UHRF2: variants seen among roughly 807,000 people sequenced by gnomAD.
UHRF2 encodes the protein ubiquitin like with PHD and ring finger domains 2.
A neutral mutation model predicts 96.8 loss-of-function variants in UHRF2; 23 were observed. The ratio of observed to expected loss-of-function variants is 0.24; its 90% CI spans 0.17 to 0.34. The LOEUF is 0.34. Ranked by LOEUF, UHRF2 falls within the 10% of genes least tolerant of loss-of-function variation. UHRF2 has a pLI of 1.00. For synonymous variants in UHRF2, 385 were observed against 332.6 expected (o/e 1.16, Z -1.72); for missense variants, 685 against 981.5 (o/e 0.70, Z 4.04).
intron 9 of UHRF2, among the ~76,000 whole-genome samples, chr9:6,491,828 C>T (rs926996804): frequency 2.6e-5 from 4 of 152,192 alleles, no homozygotes; most frequent in African/African-American, 9.7e-5. Flanking sequence ...CTGCCAGGCA[C>T]AATTTAATGG....
intron 2 of UHRF2, among the ~76,000 whole-genome samples, chr9:6,430,749 T>G (rs1477305171): frequency 6.6e-6 from 1 of 152,144 alleles, no homozygotes; most frequent in Non-Finnish European, 1.5e-5. Context: ...GCCTTGCCTT[T>G]CCCATGGAAA....
At chr9:6,465,283 CAT>C (rs1485971444) in intron 4 of UHRF2, among the ~76,000 whole-genome samples, 3 of 152,176 alleles carry the variant, frequency 2.0e-5, no homozygotes, top group Non-Finnish European at 4.4e-5. Context: ...GTGAAATTTA[CAT>C]GTTAATTTTC....
intron 3 of UHRF2, among the ~76,000 whole-genome samples, chr9:6,455,001 A>G (rs947618718): frequency 5.9e-5 from 9 of 152,204 alleles, no homozygotes; most frequent in Non-Finnish European, 1.0e-4. Context: ...TCTTGGGACC[A>G]TACTTTGAGA....
chr9:6,491,712 A>G (rs1042391664), intron 9 of UHRF2, among the ~76,000 whole-genome samples: 1 of 152,166 alleles, frequency 6.6e-6, no homozygotes, highest in Non-Finnish European at 1.5e-5. Flanking sequence ...GAGGTTGGGA[A>G]TAACTGAAGA....
intron 4 of UHRF2, among the ~76,000 whole-genome samples, chr9:6,474,472 G>T (rs961232332): frequency 1.3e-5 from 2 of 152,136 alleles, no homozygotes; most frequent in Non-Finnish European, 2.9e-5. Context: ...TTGGGAGGCC[G>T]AGGCGGGCAG....
intron 3 of UHRF2, among the ~76,000 whole-genome samples, chr9:6,458,141 G>C (rs1822298373): frequency 6.6e-6 from 1 of 152,054 alleles, no homozygotes; most frequent in Admixed American, 6.6e-5. Context: ...CTAGTCCTAG[G>C]CTTTTTTTGG....
In UHRF2 at chr9:6,470,859, A is replaced by G. The variant is rs757805640; in HGVS notation, c.864-4532A>G. ...TATTAGTCTAATCCAAAATAAGGCAATTGTGACTAAAAGAAGCAGATAAAG... is the reference window on the plus strand; with the variant it reads ...TATTAGTCTAATCCAAAATAAGGCAGTTGTGACTAAAAGAAGCAGATAAAG... On this transcript the variant is annotated intron_variant, in intron 4 of 15. Coordinates refer to ENST00000276893, the MANE Select transcript of UHRF2 (RefSeq NM_152896.3). Among the ~76,000 whole-genome samples the G allele has an allele frequency of 6.6e-5, 10 of 152,242 alleles. No individual in the cohort carries two copies. In the South Asian group the frequency reaches 1.0e-3, roughly 16 times the overall value.
chr9:6,459,393 G>A (rs1427585473), intron 3 of UHRF2, among the ~76,000 whole-genome samples: 1 of 152,180 alleles, frequency 6.6e-6, no homozygotes, highest in Non-Finnish European at 1.5e-5. Context: ...TTGGGGCCGG[G>A]TGCGGTGGCT....
chr9:6,453,454 C>G (rs1181801545), intron 3 of UHRF2, among the ~76,000 whole-genome samples: 4 of 152,132 alleles, frequency 2.6e-5, no homozygotes, highest in Non-Finnish European at 4.4e-5. Flanking sequence ...AGGTTTCTGT[C>G]TTACATGGAC....
intron 14 of UHRF2, 97 bp downstream of exon 14, chr9:6,500,806 C>A: frequency 8.4e-7 from 1 of 1,186,276 alleles, no homozygotes; most frequent in Non-Finnish European, 1.2e-6. Context: ...GTCAAAACTT[C>A]ATCCTTCTAC....
chr9:6,414,540 A>G (rs201378069), intron 1 of UHRF2, among the ~76,000 whole-genome samples: 3 of 152,112 alleles, frequency 2.0e-5, no homozygotes, highest in East Asian at 3.8e-4. Flanking sequence ...GTCTCTTACA[A>G]TCTATATCCC....
At position 6,500,480 on chromosome 9, in the gene UHRF2, TA is replaced by T. The variant is rs1816227490; in HGVS notation, c.2006-70del. On this transcript the variant is annotated intron_variant, in intron 13 of 15. Coordinates refer to ENST00000276893, the MANE Select transcript of UHRF2 (RefSeq NM_152896.3). ...TCTGCTAAACATTACTTGTGCCAGT[TA>T]ACTCTTTTGTTTCATAGTTCTGCTT... 3.0e-6 allele frequency: 4 copies of T among 1,319,846 alleles called. No homozygotes were observed. The South Asian group carries it at 6.4e-5, about 21-fold the overall frequency. The allele number at this position is 1,319,846 out of a possible 1,614,324, so 81.8% of individuals were successfully genotyped here.
chr9:6,473,205 C>G lies in UHRF2; in HGVS notation c.864-2186C>G, dbSNP rs183772566. On this transcript the variant is annotated intron_variant, in intron 4 of 15. Transcript: ENST00000276893. ...GAAGGATTTGGGAGTCAACTGGAAG[C>G]TCCCACTGGTCAAAGATGAGACAAT... 5.2e-4 allele frequency among the ~76,000 whole-genome samples: 79 copies of G among 152,264 alleles called. 1 individual carries two copies. The highest frequency in any genetic ancestry group is 3.9e-4 in the East Asian group (2 of 5,186).
intron 11 of UHRF2, 31 bp downstream of exon 11, chr9:6,497,391 C>A: frequency 1.2e-6 from 2 of 1,606,338 alleles, no homozygotes; most frequent in South Asian, 2.2e-5. Context: ...TCTTGTTTGT[C>A]ATTCTTCCTG....
In UHRF2 at chr9:6,504,536, T is replaced by C. The variant is rs974419817; in HGVS notation, c.2164-57T>C. 4.3e-6 allele frequency: 5 copies of C among 1,167,592 alleles called. No individual in the cohort carries two copies. The African/African-American group carries it at 7.6e-5, about 18-fold the overall frequency. The allele number at this position is 1,167,592 out of a possible 1,614,324, so 72.3% of individuals were successfully genotyped here. On this transcript the variant is annotated intron_variant, in intron 14 of 15. Transcript: ENST00000276893. ...TTTGAAATACACAGTAGATGAATTT[T>C]ATTAGCATATTATGAACTGCTAACT...
chr9:6,479,124 C>G (rs986421555), intron 6 of UHRF2, among the ~76,000 whole-genome samples: 7 of 152,102 alleles, frequency 4.6e-5, no homozygotes, highest in Non-Finnish European at 7.3e-5. Context: ...TCCTTGATCC[C>G]ATTTCTCCCA....
At chr9:6,425,709 G>C (rs1176930629) in intron 2 of UHRF2, among the ~76,000 whole-genome samples, 1 of 152,118 alleles carries the variant, frequency 6.6e-6, no homozygotes, top group Admixed American at 6.5e-5. Flanking sequence ...GTTACGGGGA[G>C]CCGAGATCGC....
At chr9:6,431,168 A>C (rs1357890472) in intron 2 of UHRF2, among the ~76,000 whole-genome samples, 1 of 152,138 alleles carries the variant, frequency 6.6e-6, no homozygotes, top group African/African-American at 2.4e-5. Context: ...GGCCTATTCA[A>C]ATTTTGCTTG....
At chr9:6,421,232 C>A in intron 2 of UHRF2, 90 bp downstream of exon 2, 1 of 998,936 alleles carries the variant, frequency 1.0e-6, no homozygotes. Flanking sequence ...ACATTGATTG[C>A]CATTTGAAAG....
Sources: gnomAD v4.1 joint callset for allele counts (sites outside exome capture counted in the v4.1 genomes callset) on GRCh38, gnomAD v4.1.1 for gene constraint, MANE v1.5 for transcripts, NCBI Gene and HGNC (gene_info 2026-07-23, HGNC 2026-07-21) for gene names.